The following SNX29 variants were observed in gnomAD, a reference collection of about 807,000 sequenced individuals.
The protein encoded by SNX29 is sorting nexin 29, also known as sorting nexin-29.
A neutral mutation model predicts 102.1 loss-of-function variants in SNX29; 78 were observed. The observed-to-expected ratio is 0.76, with a 90% CI of 0.64 to 0.92. The LOEUF (loss-of-function observed/expected upper bound fraction) is 0.92. Ranked by LOEUF, SNX29 falls within the 40% of genes least tolerant of loss-of-function variation. The pLI, the probability that SNX29 is intolerant of heterozygous loss-of-function variation, is 0.00. For synonymous variants in SNX29, 580 were observed against 414.5 expected (o/e 1.40, Z -4.85); for missense variants, 1,280 against 1,061.7 (o/e 1.21, Z -2.86).
chr16:12,431,511 C>T (rs1366518448), intron 18 of SNX29, among the ~76,000 whole-genome samples: 3 of 145,168 alleles, frequency 2.1e-5, no homozygotes, highest in Non-Finnish European at 4.5e-5. Context: ...ATGATGCTCT[C>T]CTGCTCTGTG....
intron 14 of SNX29, among the ~76,000 whole-genome samples, chr16:12,238,701 T>C (rs2078012565): frequency 6.6e-6 from 1 of 152,232 alleles, no homozygotes; most frequent in Admixed American, 6.5e-5. Flanking sequence ...ATAGTGTTAC[T>C]GGTTCTTTGG....
At chr16:12,308,640 C>T (rs1021162462) in intron 15 of SNX29, among the ~76,000 whole-genome samples, 6 of 152,110 alleles carry the variant, frequency 3.9e-5, no homozygotes, top group Non-Finnish European at 5.9e-5. Flanking sequence ...AAAAAATCCT[C>T]GACTTCTAAG....
intron 14 of SNX29, among the ~76,000 whole-genome samples, chr16:12,262,441 G>A (rs1445441100): frequency 6.6e-6 from 1 of 152,162 alleles, no homozygotes; most frequent in Non-Finnish European, 1.5e-5. Flanking sequence ...CATGCACAAA[G>A]AGACAGGCAC....
chr16:12,236,959 C>T (rs1463143286), intron 14 of SNX29, among the ~76,000 whole-genome samples: 3 of 152,192 alleles, frequency 2.0e-5, no homozygotes, highest in East Asian at 3.8e-4. Context: ...AGTAAAGGCA[C>T]TGGGCAGCAT....
At chr16:12,449,039 G>A (rs780154397) in intron 18 of SNX29, among the ~76,000 whole-genome samples, 6 of 152,086 alleles carry the variant, frequency 3.9e-5, no homozygotes, top group African/African-American at 7.2e-5. Context: ...CATGTACTAC[G>A]CAACCTAATT....
At chr16:12,089,819 C>G (rs778810952) in intron 11 of SNX29, 6 of 392,164 alleles carry the variant, frequency 1.5e-5, no homozygotes, top group African/African-American at 4.3e-5. Context: ...GCAGAGCACA[C>G]TCAGCAGTGC....
intron 20 of SNX29, among the ~76,000 whole-genome samples, chr16:12,539,872 T>C (rs376583607): frequency 3.0e-4 from 45 of 152,258 alleles, no homozygotes; most frequent in African/African-American, 9.4e-4. Flanking sequence ...TTGCCTGTTC[T>C]TAGAAACTAG....
At chr16:12,351,472 T>A (rs545786973) in intron 15 of SNX29, among the ~76,000 whole-genome samples, 55 of 152,238 alleles carry the variant, frequency 3.6e-4, no homozygotes, top group Non-Finnish European at 7.6e-4. Flanking sequence ...CTTGATCTAA[T>A]TAATCAAGAA....
At chr16:12,268,403 T>G (rs2078996877) in intron 14 of SNX29, among the ~76,000 whole-genome samples, 1 of 152,248 alleles carries the variant, frequency 6.6e-6, no homozygotes, top group Non-Finnish European at 1.5e-5. Flanking sequence ...AGCCAGACTT[T>G]GACTCCCAGG....
intron 15 of SNX29, among the ~76,000 whole-genome samples, chr16:12,321,551 G>A (rs1423813205): frequency 6.6e-6 from 1 of 152,154 alleles, no homozygotes; most frequent in Non-Finnish European, 1.5e-5. Flanking sequence ...AGCGGGGGGA[G>A]GAGTGCTTTG....
chr16:12,355,934 C>T (rs2082122368), intron 15 of SNX29, among the ~76,000 whole-genome samples: 1 of 148,402 alleles, frequency 6.7e-6, no homozygotes, highest in Non-Finnish European at 1.5e-5. Flanking sequence ...CCTATTTGGA[C>T]CATAACTTCA....
rs180791059 is a variant in SNX29 at position 12,539,586 on chromosome 16, T to A, written c.2318+14745T>A. On this transcript the variant is annotated intron_variant, in intron 20 of 20. Transcript: ENST00000566228. Reference sequence around the variant, plus strand: ...TTTTGTGTGAACAAAAGTTTTCATTTCTGTGCGGCAAATACCTAAGAGTTG... The same window carrying A: ...TTTTGTGTGAACAAAAGTTTTCATTACTGTGCGGCAAATACCTAAGAGTTG... Among the ~76,000 whole-genome samples, 342 of 152,316 alleles carry A rather than the reference T, an allele frequency of 2.2e-3. 1 individual carries two copies. The highest frequency in any genetic ancestry group is 8.0e-3 in the African/African-American group (331 of 41,562).
At chr16:12,539,117 C>G (rs770262222) in intron 20 of SNX29, among the ~76,000 whole-genome samples, 9 of 152,124 alleles carry the variant, frequency 5.9e-5, no homozygotes, top group African/African-American at 9.7e-5. Context: ...TTTACTTTCA[C>G]AAAAAATTTT....
intron 16 of SNX29, among the ~76,000 whole-genome samples, chr16:12,386,415 A>C (rs2083343136): frequency 6.6e-6 from 1 of 152,228 alleles, no homozygotes. Flanking sequence ...CGAAGGGCAG[A>C]GAGGTGGAGC....
At chr16:12,384,533 T>C (rs1464198782) in intron 16 of SNX29, among the ~76,000 whole-genome samples, 2 of 152,252 alleles carry the variant, frequency 1.3e-5, no homozygotes, top group African/African-American at 4.8e-5. Flanking sequence ...AAATGTCGTT[T>C]CAGATCTTTT....
intron 19 of SNX29, among the ~76,000 whole-genome samples, chr16:12,513,340 C>CCTGAG (rs1555559639): frequency 2.4e-5 from 3 of 124,326 alleles, no homozygotes; most frequent in South Asian, 2.6e-4. Flanking sequence ...CCTGCCCTGC[C>CCTGAG]CTGCCCTGCT....
chr16:12,095,432 T>C (rs1211152466), intron 11 of SNX29: 1 of 152,186 alleles, frequency 6.6e-6, no homozygotes, highest in Non-Finnish European at 1.5e-5. Context: ...ATCTGAATTT[T>C]TCATGTCCAG....
intron 14 of SNX29, among the ~76,000 whole-genome samples, chr16:12,241,607 A>G (rs920123244): frequency 5.9e-5 from 9 of 152,054 alleles, no homozygotes; most frequent in Non-Finnish European, 1.0e-4. Flanking sequence ...GATTACAGGC[A>G]CCTGCCACCA....
chr16:12,442,863 G>C lies in SNX29; in HGVS notation c.2038-34856G>C, dbSNP rs142353609. 2.9e-3 allele frequency: 1,092 copies of C among 378,460 alleles called. 19 individuals are homozygous for C. Among genetic ancestry groups the C allele is most frequent in the African/African-American group, 0.022 (1,047 of 47,480 alleles). The allele number at this position is 378,460 out of a possible 1,614,324, so 23.4% of individuals were successfully genotyped here. A position where few individuals can be genotyped will look rare whatever the true frequency, so the allele number is the denominator to read the frequency against. On this transcript the variant is annotated intron_variant, in intron 18 of 20. Transcript: ENST00000566228. ...CCCATCTCAGCCTCACAAGTCCTGG[G>C]ATTTTAGGTGTCAGCCACCATACCT...
Sources: gnomAD v4.1 joint callset for allele counts (sites outside exome capture counted in the v4.1 genomes callset) on GRCh38, gnomAD v4.1.1 for gene constraint, MANE v1.5 for transcripts, NCBI Gene and HGNC (gene_info 2026-07-23, HGNC 2026-07-21) for gene names.